DNAH9: variants seen among roughly 807,000 people sequenced by gnomAD.
DNAH9 encodes the protein DNAH9 variant protein.
Under a neutral mutation model 471.6 loss-of-function variants are expected in DNAH9, and 345 were observed. The observed-to-expected ratio is 0.73, with a 90% CI of 0.67 to 0.80. DNAH9 has a LOEUF of 0.80. Ranked by LOEUF, DNAH9 falls within the 30% of genes least tolerant of loss-of-function variation. DNAH9 has a pLI of 0.00. For synonymous variants in DNAH9, 2,093 were observed against 2,123.6 expected, an observed-to-expected ratio of 0.99 and a Z score of 0.40; for missense variants, 5,407 against 5,609.2, an observed-to-expected ratio of 0.96 and a Z score of 1.15.
chr17:11,791,253 G>C (rs949013864), intron 41 of DNAH9, among the ~76,000 whole-genome samples: 6 of 152,010 alleles, frequency 3.9e-5, no homozygotes, highest in East Asian at 1.9e-4. Flanking sequence ...CACTTTGAAG[G>C]CTTCTTTTAT....
At chr17:11,649,070 T>C (rs1161810646) in intron 12 of DNAH9, among the ~76,000 whole-genome samples, 2 of 150,286 alleles carry the variant, frequency 1.3e-5, no homozygotes, top group African/African-American at 2.5e-5. Flanking sequence ...GTGGTTGCAG[T>C]GAGCCGAGAT....
At chr17:11,877,987 G>A (rs1169894673) in intron 53 of DNAH9, among the ~76,000 whole-genome samples, 2 of 152,114 alleles carry the variant, frequency 1.3e-5, no homozygotes, top group African/African-American at 4.8e-5. Flanking sequence ...ACCTGCCTCA[G>A]CCTTCCAAAG....
intron 45 of DNAH9, among the ~76,000 whole-genome samples, chr17:11,816,367 A>G (rs527847226): frequency 1.3e-5 from 2 of 152,306 alleles, no homozygotes; most frequent in South Asian, 4.1e-4. Flanking sequence ...TCAGCTCTTA[A>G]TACATCTCCC....
At chr17:11,642,581 A>G (rs2073297385) in intron 10 of DNAH9, among the ~76,000 whole-genome samples, 1 of 152,190 alleles carries the variant, frequency 6.6e-6, no homozygotes. Context: ...ATTCTATAAT[A>G]GGTATTGATT....
intron 38 of DNAH9, among the ~76,000 whole-genome samples, chr17:11,779,790 G>A (rs1293640027): frequency 1.3e-5 from 2 of 152,204 alleles, no homozygotes; most frequent in Non-Finnish European, 2.9e-5. Flanking sequence ...GGTGTTGTGT[G>A]ATTAATTGGT....
chr17:11,780,953 A>G, intron 38 of DNAH9, 56 bp from the exon 39 acceptor site: 4 of 1,559,506 alleles, frequency 2.6e-6, no homozygotes, highest in Non-Finnish European at 1.7e-6. Context: ...TTGCTGTCTC[A>G]GTACTGGCAT....
chr17:11,724,123 G>A (rs930998202), intron 27 of DNAH9, among the ~76,000 whole-genome samples: 10 of 151,980 alleles, frequency 6.6e-5, no homozygotes, highest in African/African-American at 2.2e-4. Flanking sequence ...ATACATTGTA[G>A]TATAATGATC....
chr17:11,868,620 G>A (rs1000544563), intron 50 of DNAH9, among the ~76,000 whole-genome samples: 2 of 152,100 alleles, frequency 1.3e-5, no homozygotes, highest in African/African-American at 2.4e-5. Context: ...CAGACTAGCT[G>A]CAGCAGATAC....
At chr17:11,814,960 GA>G (rs761437537) in intron 45 of DNAH9, among the ~76,000 whole-genome samples, 16 of 144,242 alleles carry the variant, frequency 1.1e-4, no homozygotes, top group South Asian at 2.2e-4. Context: ...TCCCTAGAAA[GA>G]AAAAAAAAAC....
At chr17:11,727,714 AG>A in intron 27 of DNAH9, 103 bp from the exon 28 acceptor site, 2 of 738,030 alleles carry the variant, frequency 2.7e-6, no homozygotes, top group Non-Finnish European at 2.4e-6. Context: ...AGTGGTCTTT[AG>A]GGGGACTAGA....
chr17:11,669,734 A>T lies in DNAH9; in HGVS notation c.3293A>T (p.Asn1098Ile), dbSNP rs1252724778. Reference sequence around the variant, plus strand: ...CGACCCTTTAAGGCATCTCTGCTGAATATTATTAAGAGGTGGAGCCTCCTG... The same window carrying T: ...CGACCCTTTAAGGCATCTCTGCTGATTATTATTAAGAGGTGGAGCCTCCTG... ...DIRPFKASLLNIIKRWSLLFK... is the reference protein window; with the variant it reads ...DIRPFKASLLIIIKRWSLLFK... The change falls in exon 17 of 69, where the codon AAT becomes ATT. Residue 1098 changes from asparagine to isoleucine, a missense_variant. Physicochemically the swap from Asn to Ile is moderately radical, Grantham distance 149. Coordinates refer to ENST00000262442, the MANE Select transcript of DNAH9 (RefSeq NM_001372.4). The T allele has an allele frequency of 6.2e-7, 1 of 1,614,032 alleles. No homozygotes were observed. Among genetic ancestry groups the T allele is most frequent in the African/African-American group, 1.3e-5 (1 of 74,924 alleles).
At chr17:11,961,842 T>TC (rs1976212765) in intron 67 of DNAH9, 25 bp from the exon 68 acceptor site, 1 of 1,572,268 alleles carries the variant, frequency 6.4e-7, no homozygotes. Flanking sequence ...TCTCACGCTT[T>TC]CCCCCTCCCA....
intron 43 of DNAH9, among the ~76,000 whole-genome samples, chr17:11,805,703 C>T (rs1969649408): frequency 6.6e-6 from 1 of 151,622 alleles, no homozygotes; most frequent in Admixed American, 6.6e-5. Context: ...TACAAGCACT[C>T]ACCACCATGC....
intron 62 of DNAH9, among the ~76,000 whole-genome samples, chr17:11,926,517 C>G (rs1473994524): frequency 6.6e-6 from 1 of 152,200 alleles, no homozygotes; most frequent in Non-Finnish European, 1.5e-5. Context: ...GTTTGGTTTT[C>G]TGTTCCCGCT....
chr17:11,625,649 G>T (rs2072956175), intron 6 of DNAH9, among the ~76,000 whole-genome samples: 2 of 152,096 alleles, frequency 1.3e-5, no homozygotes, highest in East Asian at 3.9e-4. Context: ...TATTACCCCT[G>T]GTTTTGATTC....
At chr17:11,713,769 G>C (rs2074914082) in intron 26 of DNAH9, among the ~76,000 whole-genome samples, 1 of 152,012 alleles carries the variant, frequency 6.6e-6, no homozygotes, top group Admixed American at 6.5e-5. Flanking sequence ...TTACTACCCT[G>C]TATTACAAAT....
chr17:11,705,250 C>T, intron 26 of DNAH9, 65 bp downstream of exon 26: 3 of 1,455,888 alleles, frequency 2.1e-6, no homozygotes, highest in Non-Finnish European at 2.9e-6. Context: ...TAGTGGGCAT[C>T]TAGGGTCAAA....
chr17:11,725,808 A>G (rs1016563399), intron 27 of DNAH9, among the ~76,000 whole-genome samples: 2 of 152,148 alleles, frequency 1.3e-5, no homozygotes, highest in African/African-American at 4.8e-5. Flanking sequence ...CAGAGGTTGC[A>G]GTGAACTGAG....
rs918961803 is a variant in DNAH9 at position 11,892,974 on chromosome 17, G to A, written c.11283+1027G>A. On this transcript the variant is annotated intron_variant, in intron 58 of 68. Transcript: ENST00000262442. The surrounding 1 kb of genome is among the most constrained non-coding windows in gnomAD (Gnocchi z 4.3). ...CTTTCCTTGAATCTTCTGATCCGTA[G>A]TCAGACACGTTATCCATTGCACCAC... 2.0e-5 allele frequency among the ~76,000 whole-genome samples: 3 copies of A among 151,922 alleles called. No homozygotes were observed. Among genetic ancestry groups the A allele is most frequent in the Non-Finnish European group, 4.4e-5 (3 of 68,010 alleles).
Sources: allele counts gnomAD v4.1 joint callset (sites outside exome capture counted in the v4.1 genomes callset), GRCh38; gene constraint gnomAD v4.1.1; non-coding constraint Gnocchi (gnomAD v3.1); transcripts MANE v1.5; gene names NCBI Gene and HGNC (gene_info 2026-07-23, HGNC 2026-07-21).